The following PXDNL variants were observed in gnomAD, a reference collection of about 807,000 sequenced individuals.
PXDNL encodes the protein probable oxidoreductase PXDNL.
A neutral mutation model predicts 150.8 loss-of-function variants in PXDNL; 145 were observed. That is an observed-to-expected ratio of 0.96 (90% CI 0.84 to 1.10). The LOEUF (loss-of-function observed/expected upper bound fraction) is 1.10, where lower values mean the gene tolerates loss of function less well. Among genes scored for constraint, PXDNL ranks in the 50% least tolerant of loss-of-function variants. PXDNL has a pLI of 0.00. For missense variants in PXDNL, 2,087 were observed against 1,873.9 expected, an observed-to-expected ratio of 1.11 and a Z score of -2.10; for synonymous variants, 757 against 725.7, an observed-to-expected ratio of 1.04 and a Z score of -0.69.
chr8:51,501,781 A>G (rs1417455085), intron 4 of PXDNL, among the ~76,000 whole-genome samples: 1 of 152,234 alleles, frequency 6.6e-6, no homozygotes, highest in Non-Finnish European at 1.5e-5. Context: ...GGTCTAGCAC[A>G]TTAAAAAGGA....
chr8:51,564,636 CAG>C (rs1812779382), intron 3 of PXDNL, among the ~76,000 whole-genome samples: 1 of 150,884 alleles, frequency 6.6e-6, no homozygotes, highest in South Asian at 2.1e-4. Context: ...GAGAAAATGA[CAG>C]AGACACAACA....
intron 13 of PXDNL, among the ~76,000 whole-genome samples, chr8:51,425,714 G>A (rs1342643447): frequency 7.9e-5 from 12 of 152,032 alleles, no homozygotes; most frequent in Middle Eastern, 3.4e-3. Context: ...CCAGCTACTC[G>A]GAGAGGCTGA....
chr8:51,713,315 A>G (rs975643509), intron 1 of PXDNL, among the ~76,000 whole-genome samples: 2 of 152,250 alleles, frequency 1.3e-5, no homozygotes, highest in Non-Finnish European at 2.9e-5. Context: ...CAGGTTTGAT[A>G]TGCCTGTCTT....
intron 1 of PXDNL, among the ~76,000 whole-genome samples, chr8:51,743,303 C>T (rs987778613): frequency 4.6e-5 from 7 of 152,066 alleles, no homozygotes; most frequent in African/African-American, 1.2e-4. Context: ...CTGTAACCTC[C>T]GCCTCCCGGG....
At chr8:51,518,836 T>C (rs985704723) in intron 4 of PXDNL, among the ~76,000 whole-genome samples, 3 of 151,626 alleles carry the variant, frequency 2.0e-5, no homozygotes, top group Non-Finnish European at 4.4e-5. Flanking sequence ...ATAGGAGAAA[T>C]GATGGTAGCA....
chr8:51,606,299 C>G (rs1160514052), intron 2 of PXDNL, among the ~76,000 whole-genome samples: 1 of 152,126 alleles, frequency 6.6e-6, no homozygotes, highest in Non-Finnish European at 1.5e-5. Flanking sequence ...GATAACAAAA[C>G]TAATGAAACA....
At chr8:51,650,669 G>A (rs1461524521) in intron 2 of PXDNL, among the ~76,000 whole-genome samples, 1 of 152,204 alleles carries the variant, frequency 6.6e-6, no homozygotes, top group Non-Finnish European at 1.5e-5. Flanking sequence ...GTGAAGTTCA[G>A]TGCAATTTAT....
chr8:51,490,627 TATATATATAC>T (rs546128757), intron 5 of PXDNL, among the ~76,000 whole-genome samples: 18 of 146,746 alleles, frequency 1.2e-4, no homozygotes, highest in South Asian at 6.3e-4. Flanking sequence ...ATGAGTCACA[TATATATATAC>T]ATATATATAC....
In PXDNL at chr8:51,446,493, T is replaced by G. The variant is rs190421557; in HGVS notation, c.1525+511A>C. Among the ~76,000 whole-genome samples the G allele has an allele frequency of 3.3e-5, 5 of 152,316 alleles. No homozygotes were observed. The East Asian group carries it at 9.7e-4, about 29-fold the overall frequency. ...AATTCAAATCTTGATTTTTTTCCCTTTTTATATATCAGTTGACAATAAATT... is the reference window on the plus strand; with the variant it reads ...AATTCAAATCTTGATTTTTTTCCCTGTTTATATATCAGTTGACAATAAATT... On this transcript the variant is annotated intron_variant, in intron 12 of 22. Coordinates refer to ENST00000356297, the MANE Select transcript of PXDNL (RefSeq NM_144651.5).
intron 1 of PXDNL, among the ~76,000 whole-genome samples, chr8:51,719,340 CCCCCAA>C (rs1816680839): frequency 6.6e-6 from 1 of 152,178 alleles, no homozygotes; most frequent in African/African-American, 2.4e-5. Context: ...TATGACCTTA[CCCCCAA>C]CCTGGTGCTC....
rs1247678684 is a variant in PXDNL at position 51,408,064 on chromosome 8, T to A, written c.3557+3A>T. On this transcript the variant is annotated splice_donor_region_variant and intron_variant, in intron 17 of 22. Coordinates refer to ENST00000356297, the MANE Select transcript of PXDNL (RefSeq NM_144651.5). ...TAAATCCAGGCAGCATTTGCATACT[T>A]ACTTTCTCAGTTTTTGTCTAATCTC... is the stretch of plus-strand genomic sequence containing the variant. 3.8e-6 allele frequency: 6 copies of A among 1,597,160 alleles called. No homozygotes were observed. Among genetic ancestry groups the A allele is most frequent in the Non-Finnish European group, 5.1e-6 (6 of 1,173,032 alleles).
intron 4 of PXDNL, among the ~76,000 whole-genome samples, chr8:51,530,584 C>T (rs767399556): frequency 2.4e-4 from 37 of 152,168 alleles, no homozygotes; most frequent in Admixed American, 7.9e-4. Flanking sequence ...GGTGTCTCTG[C>T]GGCTCTCCAC....
chr8:51,358,360 G>A (rs890471781), intron 19 of PXDNL, among the ~76,000 whole-genome samples: 2 of 152,066 alleles, frequency 1.3e-5, no homozygotes, highest in African/African-American at 4.8e-5. Context: ...GAGCTTTTTC[G>A]TCTTCAAAGA....
intron 2 of PXDNL, among the ~76,000 whole-genome samples, chr8:51,613,507 G>T (rs183370258): frequency 6.6e-6 from 1 of 151,204 alleles, no homozygotes; most frequent in Non-Finnish European, 1.5e-5. Flanking sequence ...GGGCGGCAGA[G>T]GGGGAAGACA....
chr8:51,585,279 A>G (rs1186278933), intron 3 of PXDNL, among the ~76,000 whole-genome samples: 1 of 152,180 alleles, frequency 6.6e-6, no homozygotes, highest in Non-Finnish European at 1.5e-5. Flanking sequence ...CATAAAAGCA[A>G]TCCAGGCTAG....
intron 17 of PXDNL, among the ~76,000 whole-genome samples, chr8:51,402,771 A>C (rs1416861998): frequency 6.6e-6 from 1 of 152,122 alleles, no homozygotes; most frequent in Non-Finnish European, 1.5e-5. Flanking sequence ...CAATAAAAAG[A>C]AACAGAGTGG....
chr8:51,783,226 C>T (rs917361235), intron 1 of PXDNL, among the ~76,000 whole-genome samples: 2 of 152,194 alleles, frequency 1.3e-5, no homozygotes, highest in Non-Finnish European at 2.9e-5. Flanking sequence ...GCTGGCATCA[C>T]GTAGCTGTGC....
At chr8:51,363,325 G>A (rs2010051) in intron 19 of PXDNL, among the ~76,000 whole-genome samples, 16,250 of 151,778 alleles carry the variant, frequency 0.11, 1,045 homozygotes, top group East Asian at 0.27. Context: ...AGGACAAGCC[G>A]TAGACAAAAC....
At chr8:51,702,028 T>C (rs970584429) in intron 1 of PXDNL, among the ~76,000 whole-genome samples, 1 of 152,216 alleles carries the variant, frequency 6.6e-6, no homozygotes. Context: ...AAATTACTTA[T>C]TTAAATATGT....
Sources: gnomAD v4.1 joint callset for allele counts (sites outside exome capture counted in the v4.1 genomes callset) on GRCh38, gnomAD v4.1.1 for gene constraint, MANE v1.5 for transcripts, NCBI Gene and HGNC (gene_info 2026-07-23, HGNC 2026-07-21) for gene names.